The following SLC24A2 variants were observed in gnomAD, a reference collection of about 807,000 sequenced individuals.
The protein encoded by SLC24A2 is solute carrier family 24 member 2.
In SLC24A2, 36 loss-of-function variants were observed where a neutral mutation model predicts 62.0. The ratio of observed to expected loss-of-function variants is 0.58; its 90% confidence interval spans 0.44 to 0.77. The LOEUF is 0.77. SLC24A2 is among the 30% of genes least tolerant of loss of function. SLC24A2 has a pLI of 0.00. For missense variants in SLC24A2, 846 were observed against 817.9 expected, an observed-to-expected ratio of 1.03 and a Z score of -0.42; for synonymous variants, 358 against 294.0, an observed-to-expected ratio of 1.22 and a Z score of -2.23.
the SLC24A2 span, among the ~76,000 whole-genome samples, chr9:20,072,876 C>G: frequency 3.9e-5 from 6 of 152,212 alleles, no homozygotes; most frequent in African/African-American, 1.4e-4. Flanking sequence ...CCCGCTGAAT[C>G]TGATTTTGGA....
chr9:19,788,939 C>A lies in SLC24A2; in HGVS notation c.-208G>T. 1 of 985,168 alleles carries A rather than the reference C, an allele frequency of 1.0e-6. No individual in the cohort carries two copies. Among genetic ancestry groups the A allele is most frequent in the Non-Finnish European group, 1.2e-6 (1 of 829,688 alleles). The allele number at this position is 985,168 out of a possible 1,614,324, so 61.0% of individuals were successfully genotyped here. ...CGGGGCCCCCGAGCGCGGCCCGCCG[C>A]TCCAGTCCGCCGGCCCTCCGCCTAC... is the stretch of plus-strand genomic sequence containing the variant. On this transcript the variant is annotated 5_prime_UTR_variant, in exon 1 of 11. Coordinates refer to ENST00000341998, the MANE Select transcript of SLC24A2 (RefSeq NM_020344.4).
the SLC24A2 span, among the ~76,000 whole-genome samples, chr9:19,899,480 G>A: frequency 6.6e-6 from 1 of 152,142 alleles, no homozygotes; most frequent in African/African-American, 2.4e-5. Context: ...AACTATAATA[G>A]CAAGCCTTGG....
At chr9:19,888,304 C>G in the SLC24A2 span, among the ~76,000 whole-genome samples, 1 of 152,146 alleles carries the variant, frequency 6.6e-6, no homozygotes, top group Non-Finnish European at 1.5e-5. Flanking sequence ...GAACGATCTT[C>G]TCATAACTTT....
chr9:20,151,968 G>A, the SLC24A2 span, among the ~76,000 whole-genome samples: 1 of 151,812 alleles, frequency 6.6e-6, no homozygotes, highest in Non-Finnish European at 1.5e-5. Context: ...GCTTATATTA[G>A]TGAAAATTGT....
chr9:20,226,864 T>C, the SLC24A2 span, among the ~76,000 whole-genome samples: 1 of 152,228 alleles, frequency 6.6e-6, no homozygotes. Flanking sequence ...CAAATAGAGA[T>C]ACATCCAGCC....
At chr9:19,641,665 C>A (rs1031547687) in intron 2 of SLC24A2, among the ~76,000 whole-genome samples, 1 of 152,062 alleles carries the variant, frequency 6.6e-6, no homozygotes, top group Non-Finnish European at 1.5e-5. Flanking sequence ...CAGGTGCGTG[C>A]CACCGTGCCC....
At chr9:20,006,026 CACA>C in the SLC24A2 span, among the ~76,000 whole-genome samples, 1 of 151,642 alleles carries the variant, frequency 6.6e-6, no homozygotes, top group East Asian at 1.9e-4. Context: ...TGCTTATGTA[CACA>C]CAAACATAGT....
At chr9:20,189,722 C>G in the SLC24A2 span, among the ~76,000 whole-genome samples, 1 of 152,202 alleles carries the variant, frequency 6.6e-6, no homozygotes, top group African/African-American at 2.4e-5. Context: ...GAGCAGTTTC[C>G]TTGGTGTCCA....
At chr9:20,113,722 C>A in the SLC24A2 span, among the ~76,000 whole-genome samples, 1 of 152,064 alleles carries the variant, frequency 6.6e-6, no homozygotes. Context: ...CATATATATA[C>A]TCTTGCCTTT....
chr9:20,222,020 C>A, the SLC24A2 span, among the ~76,000 whole-genome samples: 3 of 151,846 alleles, frequency 2.0e-5, no homozygotes, highest in African/African-American at 7.2e-5. Context: ...TTTGAAGATA[C>A]AACAAAAGCT....
At chr9:20,183,304 T>G in the SLC24A2 span, among the ~76,000 whole-genome samples, 1 of 152,058 alleles carries the variant, frequency 6.6e-6, no homozygotes, top group East Asian at 1.9e-4. Context: ...GTGCCCTATT[T>G]TGTATTATGG....
At chr9:19,666,878 G>C (rs1388043174) in intron 2 of SLC24A2, among the ~76,000 whole-genome samples, 1 of 152,104 alleles carries the variant, frequency 6.6e-6, no homozygotes, top group African/African-American at 2.4e-5. Context: ...CTTTTCTAAA[G>C]CACAGTGTTC....
the SLC24A2 span, among the ~76,000 whole-genome samples, chr9:20,164,388 T>C: frequency 3.3e-5 from 5 of 152,080 alleles, no homozygotes; most frequent in African/African-American, 1.2e-4. Flanking sequence ...AAAAAATGCT[T>C]ACCATCACTG....
At chr9:19,564,123 G>A (rs1750124920) in intron 7 of SLC24A2, among the ~76,000 whole-genome samples, 1 of 151,884 alleles carries the variant, frequency 6.6e-6, no homozygotes, top group Admixed American at 6.6e-5. Context: ...CCCAAAACTG[G>A]GATTGATTAC....
At chr9:19,590,702 C>T (rs1273450060) in intron 5 of SLC24A2, among the ~76,000 whole-genome samples, 1 of 152,032 alleles carries the variant, frequency 6.6e-6, no homozygotes, top group South Asian at 2.1e-4. Flanking sequence ...TTAGTGCCTT[C>T]ACCTACTCAC....
At chr9:19,837,314 C>T in the SLC24A2 span, among the ~76,000 whole-genome samples, 12 of 150,564 alleles carry the variant, frequency 8.0e-5, no homozygotes, top group East Asian at 2.0e-4. Flanking sequence ...TAGCCGGGTG[C>T]GGTGGCGGGC....
chr9:19,608,332 A>C (rs1337737621), intron 4 of SLC24A2, among the ~76,000 whole-genome samples: 1 of 150,850 alleles, frequency 6.6e-6, no homozygotes, highest in Non-Finnish European at 1.5e-5. Context: ...TTTTTTTTTA[A>C]ATAGAAGCTA....
At chr9:20,105,897 A>C in the SLC24A2 span, among the ~76,000 whole-genome samples, 1 of 152,202 alleles carries the variant, frequency 6.6e-6, no homozygotes, top group African/African-American at 2.4e-5. Flanking sequence ...CAAAAAATTA[A>C]TGAATCCAGG....
the SLC24A2 span, among the ~76,000 whole-genome samples, chr9:20,221,609 C>T: frequency 0.88 from 132,947 of 151,914 alleles, 58,388 homozygotes; most frequent in East Asian, 0.99. Flanking sequence ...GTTCTCAGAT[C>T]GGAAGTGCAT....
Sources: gnomAD v4.1 joint callset for allele counts (sites outside exome capture counted in the v4.1 genomes callset) on GRCh38, gnomAD v4.1.1 for gene constraint, MANE v1.5 for transcripts, NCBI Gene and HGNC (gene_info 2026-07-23, HGNC 2026-07-21) for gene names.